The following ATF7 variants were observed in gnomAD, a reference collection of about 807,000 sequenced individuals.
The protein encoded by ATF7 is cyclic AMP-dependent transcription factor ATF-7.
A neutral mutation model predicts 50.4 loss-of-function variants in ATF7; 10 were observed. That is an observed-to-expected ratio of 0.20 (90% CI 0.12 to 0.34). The LOEUF is 0.34. ATF7 is among the 10% of genes least tolerant of loss of function. The pLI, the probability that ATF7 is intolerant of heterozygous loss-of-function variation, is 1.00. For missense variants in ATF7, 465 were observed against 613.9 expected, an observed-to-expected ratio of 0.76 and a Z score of 2.56; for synonymous variants, 201 against 226.4, an observed-to-expected ratio of 0.89 and a Z score of 1.01.
chr12:53,576,493 A>G (rs1942073870), intron 2 of ATF7, among the ~76,000 whole-genome samples: 1 of 152,180 alleles, frequency 6.6e-6, no homozygotes, highest in South Asian at 2.1e-4. Context: ...CCCTTATAAA[A>G]GGATTTGGCA....
At chr12:53,599,445 T>C (rs926213140) in intron 2 of ATF7, among the ~76,000 whole-genome samples, 1 of 147,618 alleles carries the variant, frequency 6.8e-6, no homozygotes, top group Non-Finnish European at 1.5e-5. Flanking sequence ...TATACATCCA[T>C]ATATAAATGG....
intron 9 of ATF7, among the ~76,000 whole-genome samples, chr12:53,530,457 G>A (rs1057243018): frequency 6.6e-6 from 1 of 152,148 alleles, no homozygotes; most frequent in African/African-American, 2.4e-5. Flanking sequence ...CTTGAGAAGA[G>A]AAATGGGTAA....
At chr12:53,518,312 C>T (rs1464217059) in intron 11 of ATF7, among the ~76,000 whole-genome samples, 1 of 152,258 alleles carries the variant, frequency 6.6e-6, no homozygotes, top group Non-Finnish European at 1.5e-5. Context: ...AATCTTAAGA[C>T]CCTCCTGACT....
intron 2 of ATF7, among the ~76,000 whole-genome samples, chr12:53,570,765 GTGTGTGTGTGTA>G (rs1447078071): frequency 1.3e-5 from 2 of 151,304 alleles, no homozygotes; most frequent in East Asian, 1.9e-4. Flanking sequence ...GTGTGTGTGT[GTGTGTGTGTGTA>G]TGTCCAATTT....
At chr12:53,624,615 C>G (rs1041700902) in intron 1 of ATF7, among the ~76,000 whole-genome samples, 3 of 152,204 alleles carry the variant, frequency 2.0e-5, no homozygotes, top group Admixed American at 6.5e-5. Flanking sequence ...TTCTTACAGA[C>G]ATGTTACATT....
At chr12:53,581,811 A>C (rs1001687528) in intron 2 of ATF7, among the ~76,000 whole-genome samples, 2 of 151,776 alleles carry the variant, frequency 1.3e-5, no homozygotes, top group Non-Finnish European at 2.9e-5. Flanking sequence ...CAAAGCAAGC[A>C]GAAGAAAAGA....
At chr12:53,609,171 T>TC in intron 1 of ATF7, among the ~76,000 whole-genome samples, 1 of 151,326 alleles carries the variant, frequency 6.6e-6, no homozygotes, top group Admixed American at 6.6e-5. Context: ...TTTTTTTTTT[T>TC]GAGACAGGGT....
At chr12:53,619,486 C>CAAAA (rs112474373) in intron 1 of ATF7, among the ~76,000 whole-genome samples, 2 of 64,046 alleles carry the variant, frequency 3.1e-5, no homozygotes, top group African/African-American at 1.1e-4. Context: ...GACTCCGTGT[C>CAAAA]AAAAAAAAAA....
intron 1 of ATF7, among the ~76,000 whole-genome samples, chr12:53,607,516 C>A (rs1943665594): frequency 6.6e-6 from 1 of 150,924 alleles, no homozygotes; most frequent in Non-Finnish European, 1.5e-5. Context: ...TCTTTATGAC[C>A]AAAAAAGAAC....
At chr12:53,544,883 T>C (rs1257253428) in intron 3 of ATF7, among the ~76,000 whole-genome samples, 5 of 145,926 alleles carry the variant, frequency 3.4e-5, no homozygotes, top group African/African-American at 5.2e-5. Flanking sequence ...ATCAGAGTGT[T>C]TGGAAAAGTT....
rs534420258 is a variant in ATF7 at position 53,546,827 on chromosome 12, G to A, written c.146-3379C>T. Reference sequence around the variant, plus strand: ...GGCGGGAGAGCAGTGACACGATCTCGGCTCACTGCAGCCTCTGCCTCCTAG... The same window carrying A: ...GGCGGGAGAGCAGTGACACGATCTCAGCTCACTGCAGCCTCTGCCTCCTAG... On this transcript the variant is annotated intron_variant, in intron 3 of 11. Coordinates refer to ENST00000420353, the MANE Select transcript of ATF7 (RefSeq NM_006856.3). 1.9e-4 allele frequency among the ~76,000 whole-genome samples: 29 copies of A among 151,000 alleles called. 1 individual carries two copies. The Middle Eastern group carries it at 0.01, about 53-fold the overall frequency.
rs374743586 is a variant in ATF7, at chr12:53,522,146, C to CA, written c.1234+1129dup. Among the ~76,000 whole-genome samples, 331 of 152,356 alleles carry CA rather than the reference C, an allele frequency of 2.2e-3. 2 individuals are homozygous for CA. The highest frequency in any genetic ancestry group is 7.7e-3 in the African/African-American group (322 of 41,590). ...CTTCTAGCAGTATTTTATGTGCACTCATAGATTACAAACTGAAACCAACGT... is the reference window on the plus strand; with the variant it reads ...CTTCTAGCAGTATTTTATGTGCACTCAATAGATTACAAACTGAAACCAACGT... On this transcript the variant is annotated intron_variant, in intron 11 of 11. Coordinates refer to ENST00000420353, the MANE Select transcript of ATF7 (RefSeq NM_006856.3).
At chr12:53,587,820 C>CATATATATATATATATAAATAT (rs1942762380) in intron 2 of ATF7, among the ~76,000 whole-genome samples, 1 of 67,032 alleles carries the variant, frequency 1.5e-5, no homozygotes, top group Non-Finnish European at 3.3e-5. Flanking sequence ...TATACTTCTA[C>CATATATATATATATATAAATAT]ATATATATAT....
At chr12:53,599,460 ATATATATATTC>A (rs1278288464) in intron 2 of ATF7, among the ~76,000 whole-genome samples, 1 of 150,408 alleles carries the variant, frequency 6.6e-6, no homozygotes, top group East Asian at 1.9e-4. Context: ...AAATGGAGAT[ATATATATATTC>A]TATATATATA....
chr12:53,581,424 C>G (rs957169593), intron 2 of ATF7, among the ~76,000 whole-genome samples: 2 of 152,090 alleles, frequency 1.3e-5, no homozygotes, highest in Admixed American at 6.5e-5. Context: ...GAACATTTAC[C>G]AAGACTGACC....
chr12:53,580,226 C>T (rs1195924645), intron 2 of ATF7, among the ~76,000 whole-genome samples: 4 of 149,992 alleles, frequency 2.7e-5, no homozygotes, highest in African/African-American at 7.4e-5. Flanking sequence ...CTACCACACC[C>T]GGCCTCACAA....
rs1442248784 is a variant in ATF7, at chr12:53,522,573, A to C, written c.1234+703T>G. 5.3e-5 allele frequency: 8 copies of C among 150,570 alleles called. No homozygotes were observed. The East Asian group carries it at 7.8e-4, about 15-fold the overall frequency. The allele number at this position is 150,570 out of a possible 1,614,324, so 9.3% of individuals were successfully genotyped here. A position where few individuals can be genotyped will look rare whatever the true frequency, so the allele number is the denominator to read the frequency against. On this transcript the variant is annotated intron_variant, in intron 11 of 11. Transcript: ENST00000420353. ...GACTCTGTCTCAAAAACAAAAAAAA[A>C]ACAACATAGATGTGCCGGGCGCGGT...
At chr12:53,610,082 G>A (rs577372602) in intron 1 of ATF7, among the ~76,000 whole-genome samples, 5 of 151,964 alleles carry the variant, frequency 3.3e-5, no homozygotes, top group African/African-American at 1.2e-4. Flanking sequence ...CTCCCAAAGT[G>A]CTGGGATTAC....
intron 2 of ATF7, chr12:53,574,853 G>C (rs1175568906): frequency 5.9e-6 from 2 of 341,406 alleles, no homozygotes; most frequent in Non-Finnish European, 1.1e-5. Flanking sequence ...TATATTAAAA[G>C]AAATAGTAAA....
Sources: allele counts gnomAD v4.1 joint callset (sites outside exome capture counted in the v4.1 genomes callset), GRCh38; gene constraint gnomAD v4.1.1; transcripts MANE v1.5; gene names NCBI Gene and HGNC (gene_info 2026-07-23, HGNC 2026-07-21).